TULP4: variants seen among roughly 807,000 people sequenced by gnomAD.
TULP4 encodes tubby-related protein 4.
Under a neutral mutation model 129.0 loss-of-function variants are expected in TULP4, and 16 were observed. That is an observed-to-expected ratio of 0.12 (90% CI 0.08 to 0.19). TULP4 has a LOEUF of 0.19. Among genes scored for constraint, TULP4 ranks in the 10% least tolerant of loss-of-function variants. The probability of loss-of-function intolerance (pLI) is 1.00; values close to 1 mark genes in which losing one functional copy is unlikely to be tolerated. For synonymous variants in TULP4, 998 were observed against 854.0 expected (o/e 1.17, Z -2.94); for missense variants, 1,842 against 2,059.1 (o/e 0.89, Z 2.04).
At chr6:158,244,239 C>T (rs921454713) in intron 1 of TULP4, among the ~76,000 whole-genome samples, 3 of 152,060 alleles carry the variant, frequency 2.0e-5, no homozygotes, top group African/African-American at 7.2e-5. Flanking sequence ...TGAGATGTTT[C>T]AGGTTCGTCC....
chr6:158,436,204 G>A (rs1778749143), intron 3 of TULP4, among the ~76,000 whole-genome samples: 1 of 152,190 alleles, frequency 6.6e-6, no homozygotes, highest in Non-Finnish European at 1.5e-5. Context: ...ACCATGCCCA[G>A]CCTGGACTCT....
At chr6:158,463,915 T>C (rs1310520749) in intron 6 of TULP4, among the ~76,000 whole-genome samples, 1 of 152,186 alleles carries the variant, frequency 6.6e-6, no homozygotes, top group Non-Finnish European at 1.5e-5. Context: ...TACATTATTA[T>C]ACAACCAATT....
Position 158,449,071 on chromosome 6 carries a change from C to G in TULP4, c.619C>G (p.His207Asp), listed in dbSNP as rs1264151068. The stretch of plus-strand genomic sequence containing the variant: ...CAGAATGCTGGCCCACGTCCTCTTG[C>G]ACGAGTCAGACGGTGTCCTCGGCAT... Reference protein sequence around the residue: ...HGRMLAHVLLHESDGVLGMSW... With the variant: ...HGRMLAHVLLDESDGVLGMSW... The change falls in exon 4 of 14, where the codon CAC becomes GAC. Residue 207 changes from histidine to aspartate, a missense_variant. By Grantham distance (81) the His-to-Asp change is moderately conservative. Coordinates refer to ENST00000367097, the MANE Select transcript of TULP4 (RefSeq NM_020245.5). 6.2e-7 allele frequency: 1 copy of G among 1,613,968 alleles called. No individual in the cohort carries two copies. The highest frequency in any genetic ancestry group is 8.5e-7 in the Non-Finnish European group (1 of 1,179,970).
intron 1 of TULP4, among the ~76,000 whole-genome samples, chr6:158,264,636 G>T (rs1778417513): frequency 6.6e-6 from 1 of 152,068 alleles, no homozygotes; most frequent in Non-Finnish European, 1.5e-5. Flanking sequence ...TACTTTCAAA[G>T]GACTAGGAAA....
chr6:158,271,595 A>G (rs1319667546), intron 1 of TULP4, among the ~76,000 whole-genome samples: 1 of 151,582 alleles, frequency 6.6e-6, no homozygotes, highest in Non-Finnish European at 1.5e-5. Context: ...ACATTTGGCA[A>G]ATTTTTAAAT....
intron 1 of TULP4, among the ~76,000 whole-genome samples, chr6:158,359,568 C>A (rs1184993952): frequency 6.6e-6 from 1 of 152,096 alleles, no homozygotes; most frequent in Non-Finnish European, 1.5e-5. Flanking sequence ...TCTAATCTCT[C>A]CACGTTCTTC....
At chr6:158,474,149 G>A (rs1367630040) in intron 6 of TULP4, among the ~76,000 whole-genome samples, 5 of 152,204 alleles carry the variant, frequency 3.3e-5, no homozygotes, top group Non-Finnish European at 1.5e-5. Flanking sequence ...GAACTATTTT[G>A]CACATGTTTG....
rs182153129 is a variant in TULP4 at position 158,390,019 on chromosome 6, T to A, written c.253-23046T>A. ...CCAGGAGGCGGAGGTTGCAGTGAGC[T>A]GAGATTGCACCACTGCACTCCAGCC... is the stretch of plus-strand genomic sequence containing the variant. On this transcript the variant is annotated intron_variant, in intron 1 of 13. Transcript: ENST00000367097. 2.0e-5 allele frequency among the ~76,000 whole-genome samples: 3 copies of A among 150,278 alleles called. No homozygotes were observed. In the East Asian group the frequency reaches 5.9e-4, roughly 29 times the overall value.
Position 158,503,847 on chromosome 6 carries a change from A to C in TULP4, c.4184A>C (p.Lys1395Thr), listed in dbSNP as rs765419907. 2 of 1,614,124 alleles carry C rather than the reference A, an allele frequency of 1.2e-6. No individual in the cohort carries two copies. Among genetic ancestry groups the C allele is most frequent in the Non-Finnish European group, 8.5e-7 (1 of 1,180,034 alleles). Residue 1395 changes from lysine (K) to threonine (T), a missense_variant, in exon 13 of 14, where the codon AAG becomes ACG. By Grantham distance (78) the Lys-to-Thr change is moderately conservative. This residue lies in a region of TULP4 where 1,089 missense variants were observed against 987.1 expected (regional missense o/e 1.10). Coordinates refer to ENST00000367097, the MANE Select transcript of TULP4 (RefSeq NM_020245.5). This position sits in a 1 kb window ranked among gnomAD's most constrained non-coding sequence, Gnocchi z 4.3. ...CAGAAAGACCAACTGAAGTCAAAGAAGTTGAATAAGACAAACGAGTTCCAG... is the reference window on the plus strand; with the variant it reads ...CAGAAAGACCAACTGAAGTCAAAGACGTTGAATAAGACAAACGAGTTCCAG... Reference protein sequence around the residue: ...KSQKDQLKSKKLNKTNEFQDS... With the variant: ...KSQKDQLKSKTLNKTNEFQDS...
intron 3 of TULP4, among the ~76,000 whole-genome samples, chr6:158,444,091 A>G (rs1190502019): frequency 2.6e-5 from 4 of 151,372 alleles, no homozygotes; most frequent in Admixed American, 6.6e-5. Flanking sequence ...GTGGTGGCGC[A>G]AGCCTGTAGT....
intron 1 of TULP4, among the ~76,000 whole-genome samples, chr6:158,369,953 C>T (rs1421798707): frequency 1.3e-5 from 2 of 152,014 alleles, no homozygotes; most frequent in South Asian, 2.1e-4. Flanking sequence ...TTCAGGAGGC[C>T]GAGGCAGGCA....
intron 6 of TULP4, among the ~76,000 whole-genome samples, chr6:158,476,504 G>A (rs999096352): frequency 6.6e-6 from 1 of 152,052 alleles, no homozygotes; most frequent in African/African-American, 2.4e-5. Context: ...CAAGTCGTCC[G>A]AGCGAATGCG....
In TULP4 at chr6:158,498,795, A is replaced by G. The variant is rs763277831; in HGVS notation, c.1997A>G (p.Asp666Gly). 1 of 1,614,204 alleles carries G rather than the reference A, an allele frequency of 6.2e-7. No homozygotes were observed. Among genetic ancestry groups the G allele is most frequent in the Non-Finnish European group, 8.5e-7 (1 of 1,180,020 alleles). Residue 666 changes from aspartate (D) to glycine (G), a missense_variant, in exon 12 of 14, where the codon GAT (aspartate) becomes GGT (glycine). Physicochemically the swap from Asp to Gly is moderately conservative, Grantham distance 94. Transcript: ENST00000367097. ...PVFNPNVFSE[D>G]EDDLPVTGAS... ...TTCAACCCAAATGTTTTCAGTGAAGATGAAGATGATTTACCAGGTGTGTTC... is the reference window on the plus strand; with the variant it reads ...TTCAACCCAAATGTTTTCAGTGAAGGTGAAGATGATTTACCAGGTGTGTTC...
chr6:158,347,765 C>T (rs529442096), intron 1 of TULP4, among the ~76,000 whole-genome samples: 56 of 152,374 alleles, frequency 3.7e-4, no homozygotes, highest in Admixed American at 5.9e-4. Context: ...TTTAAGGTGA[C>T]TTCCTCCGGC....
intron 1 of TULP4, among the ~76,000 whole-genome samples, chr6:158,332,026 G>A (rs974084067): frequency 4.0e-5 from 6 of 149,144 alleles, no homozygotes; most frequent in African/African-American, 1.5e-4. Context: ...ACAAAAATTA[G>A]CCAGGCATCG....
intron 1 of TULP4, among the ~76,000 whole-genome samples, chr6:158,258,864 G>A (rs905345853): frequency 1.1e-4 from 16 of 152,150 alleles, no homozygotes; most frequent in East Asian, 1.9e-4. Flanking sequence ...TAGAGAAATT[G>A]TGGCCAAAGT....
At position 158,246,023 on chromosome 6, in the gene TULP4, G is replaced by GGGGGGGTGTGTGTGT. The variant is rs113914160; in HGVS notation, n.68+13721_68+13722insGGGGGTGTGTGTGTG. Among the ~76,000 whole-genome samples the GGGGGGGTGTGTGTGT allele has an allele frequency of 2.7e-5, 4 of 145,920 alleles. No homozygotes were observed. The South Asian group carries it at 6.7e-4, about 25-fold the overall frequency. On this transcript the variant is annotated intron_variant and non_coding_transcript_variant, in intron 1 of 1. Coordinates refer to the TULP4 transcript ENST00000620026. Reference sequence around the variant, plus strand: ...GTGAGTAATTTGCCTACCCCTTAGGGGTGTGTGTGTGTGTGTGTGTGTGTG... The same window carrying GGGGGGGTGTGTGTGT: ...GTGAGTAATTTGCCTACCCCTTAGGGGGGGGGTGTGTGTGTGTGTGTGTGTGTGTGTGTGTGTGTG...
At chr6:158,325,258 A>G (rs1342637217) in intron 1 of TULP4, among the ~76,000 whole-genome samples, 1 of 152,194 alleles carries the variant, frequency 6.6e-6, no homozygotes, top group Non-Finnish European at 1.5e-5. Context: ...GAAGTAACAG[A>G]CATCAGTCAC....
rs201781191 is a variant in TULP4, at chr6:158,448,973, G to A, written c.544-23G>A. The stretch of plus-strand genomic sequence containing the variant: ...ACTGGCCCTTGCTGCCACTTGGTCA[G>A]AGGTCCCCATCCTGGATTGCAGGTG... On this transcript the variant is annotated intron_variant, in intron 3 of 13. Transcript: ENST00000367097. 6 of 1,584,832 alleles carry A rather than the reference G, an allele frequency of 3.8e-6. No individual in the cohort carries two copies. The East Asian group carries it at 1.1e-4, about 30-fold the overall frequency.
Sources: allele counts gnomAD v4.1 joint callset (sites outside exome capture counted in the v4.1 genomes callset), GRCh38; gene constraint gnomAD v4.1.1; regional missense constraint gnomAD v4.1.1; non-coding constraint Gnocchi (gnomAD v3.1); transcripts MANE v1.5; gene names NCBI Gene and HGNC (gene_info 2026-07-23, HGNC 2026-07-21).